Variants in UBAC2 observed in about 807,000 individuals in gnomAD.
The protein encoded by UBAC2 is ubiquitin-associated domain-containing protein 2.
In UBAC2, 26 loss-of-function variants were observed where a neutral mutation model predicts 44.0. The ratio of observed to expected loss-of-function variants is 0.59; its 90% CI spans 0.43 to 0.82. The LOEUF is 0.82. UBAC2 is among the 40% of genes least tolerant of loss of function. The pLI, the probability that UBAC2 is intolerant of heterozygous loss-of-function variation, is 0.00. For missense variants in UBAC2, 329 were observed against 419.4 expected (o/e 0.78, Z 1.88); for synonymous variants, 155 against 154.3 (o/e 1.00, Z -0.04).
intron 6 of UBAC2, among the ~76,000 whole-genome samples, chr13:99,330,139 C>T (rs2044694127): frequency 6.6e-6 from 1 of 152,144 alleles, no homozygotes; most frequent in African/African-American, 2.4e-5. Context: ...TAAATGTTTT[C>T]CCAATTGTTT....
At chr13:99,216,293 C>T (rs946626862) in intron 1 of UBAC2, among the ~76,000 whole-genome samples, 52 of 152,234 alleles carry the variant, frequency 3.4e-4, no homozygotes, top group South Asian at 1.2e-3. Flanking sequence ...TTAGTAGAAA[C>T]AGGTTTTCAC....
At chr13:99,267,178 T>C (rs747280949) in intron 4 of UBAC2, among the ~76,000 whole-genome samples, 2 of 152,220 alleles carry the variant, frequency 1.3e-5, no homozygotes, top group Admixed American at 1.3e-4. Flanking sequence ...ATTTCTTCTT[T>C]AGAGAATTGC....
chr13:99,316,369 T>C (rs1023681108), intron 5 of UBAC2, among the ~76,000 whole-genome samples: 2 of 152,162 alleles, frequency 1.3e-5, no homozygotes, highest in Non-Finnish European at 2.9e-5. Context: ...TCTGTGCCTT[T>C]GTCTCTCCCC....
In UBAC2 at chr13:99,385,518, C is replaced by T. The variant is rs537902174; in HGVS notation, c.*183C>T. 9.0e-6 allele frequency: 5 copies of T among 552,624 alleles called. No individual in the cohort carries two copies. In the South Asian group the frequency reaches 1.0e-4, roughly 11 times the overall value. The allele number at this position is 552,624 out of a possible 1,614,324, so 34.2% of individuals were successfully genotyped here. ...CCGTTTTAGTGTGGAGATAAGTTTG[C>T]CATTACATTAGCATGTATTTTCTAT... On this transcript the variant is annotated 3_prime_UTR_variant, in exon 9 of 9. Transcript: ENST00000403766.
In UBAC2 at chr13:99,385,290, A is replaced by T; in HGVS notation, c.990A>T (p.Ser330=). 6.2e-7 allele frequency: 1 copy of T among 1,614,162 alleles called. No individual in the cohort carries two copies. Among genetic ancestry groups the T allele is most frequent in the South Asian group, 1.1e-5 (1 of 91,088 alleles). The stretch of plus-strand genomic sequence containing the variant: ...ATGCTTTGGAAGCCCTGAGAGCTTC[A>T]AACAATGACCTCAATGTCGCCACCA... The part of the protein sequence containing the change: ...RGDALEALRA[S]NNDLNVATNF... Residue 330 remains serine, a synonymous_variant, in exon 9 of 9, where the codon TCA becomes TCT. Coordinates refer to ENST00000403766, the MANE Select transcript of UBAC2 (RefSeq NM_001144072.2).
chr13:99,314,158 G>A lies in UBAC2; in HGVS notation c.451G>A (p.Ala151Thr), dbSNP rs759718136. The change falls in exon 5 of 9, where the codon GCA becomes ACA. Residue 151 changes from alanine to threonine, a missense_variant. Ala to Thr is a moderately conservative substitution (Grantham distance 58, BLOSUM62 0). Coordinates refer to ENST00000403766, the MANE Select transcript of UBAC2 (RefSeq NM_001144072.2). The stretch of plus-strand genomic sequence containing the variant: ...CTGCTCCATACCAAGAGTCCAAGTG[G>A]CACAAATTCTGGGTCCGTTGTCCAT... ...FYCSIPRVQV[A>T]QILGPLSITN... 1.9e-6 allele frequency: 3 copies of A among 1,613,598 alleles called. No individual in the cohort carries two copies. The highest frequency in any genetic ancestry group is 2.5e-6 in the Non-Finnish European group (3 of 1,179,884).
intron 4 of UBAC2, among the ~76,000 whole-genome samples, chr13:99,306,252 G>A (rs1433162141): frequency 6.6e-6 from 1 of 152,098 alleles, no homozygotes; most frequent in African/African-American, 2.4e-5. Context: ...TCACCCTCTG[G>A]TACGTCAGTG....
intron 4 of UBAC2, chr13:99,307,817 C>T (rs770926543): frequency 3.3e-5 from 5 of 152,080 alleles, no homozygotes; most frequent in Admixed American, 6.5e-5. Flanking sequence ...TGCTTTTTAC[C>T]TGGAAACTTG....
intron 4 of UBAC2, among the ~76,000 whole-genome samples, chr13:99,303,481 A>G (rs2044285704): frequency 6.6e-6 from 1 of 152,230 alleles, no homozygotes; most frequent in African/African-American, 2.4e-5. Context: ...TATATTGAAA[A>G]GTATGGAAGT....
At chr13:99,321,422 C>T (rs1334391504) in intron 6 of UBAC2, among the ~76,000 whole-genome samples, 1 of 152,150 alleles carries the variant, frequency 6.6e-6, no homozygotes, top group Non-Finnish European at 1.5e-5. Context: ...GATTCTCGTG[C>T]CTCAGCCTCC....
chr13:99,266,064 A>T (rs2043739489), intron 4 of UBAC2, among the ~76,000 whole-genome samples: 1 of 152,156 alleles, frequency 6.6e-6, no homozygotes, highest in South Asian at 2.1e-4. Flanking sequence ...ACTGCCACCT[A>T]CAGATGATTA....
intron 4 of UBAC2, among the ~76,000 whole-genome samples, chr13:99,283,506 C>T (rs551584600): frequency 5.9e-5 from 9 of 151,862 alleles, no homozygotes; most frequent in African/African-American, 2.2e-4. Context: ...GACATATGTT[C>T]CTGATTTAAA....
rs1189977107 is a variant in UBAC2, at chr13:99,200,858, T to G, written c.-51T>G. Reference sequence around the variant, plus strand: ...CCTGCGCGGTCGCTGGGGCTCGCACTTCAGCTTCCCCTCCCCCGGCGCCCT... The same window carrying G: ...CCTGCGCGGTCGCTGGGGCTCGCACGTCAGCTTCCCCTCCCCCGGCGCCCT... On this transcript the variant is annotated 5_prime_UTR_variant, in exon 1 of 9. Coordinates refer to ENST00000403766, the MANE Select transcript of UBAC2 (RefSeq NM_001144072.2). 4.9e-5 allele frequency: 63 copies of G among 1,273,154 alleles called. No individual in the cohort carries two copies. The highest frequency in any genetic ancestry group is 6.2e-5 in the African/African-American group (4 of 65,010). The allele number at this position is 1,273,154 out of a possible 1,614,324, so 78.9% of individuals were successfully genotyped here. A position where few individuals can be genotyped will look rare whatever the true frequency, so the allele number is the denominator to read the frequency against.
At chr13:99,247,712 C>G (rs528841999) in intron 4 of UBAC2, among the ~76,000 whole-genome samples, 1 of 152,274 alleles carries the variant, frequency 6.6e-6, no homozygotes, top group South Asian at 2.1e-4. Context: ...TGTAACAAAC[C>G]TGCACGTTCT....
chr13:99,268,555 C>A (rs2043773203), intron 4 of UBAC2, among the ~76,000 whole-genome samples: 1 of 137,868 alleles, frequency 7.3e-6, no homozygotes, highest in Admixed American at 7.9e-5. Flanking sequence ...CTGCAGTGAG[C>A]CATGATCCTG....
intron 4 of UBAC2, chr13:99,255,917 AG>A: frequency 6.8e-7 from 1 of 1,479,872 alleles, no homozygotes. Context: ...CTGTAAAAAT[AG>A]TTAAGAAAAA....
At chr13:99,347,319 G>GGCCCC (rs2045000629) in intron 7 of UBAC2, among the ~76,000 whole-genome samples, 1 of 20,550 alleles carries the variant, frequency 4.9e-5, no homozygotes, top group Admixed American at 7.2e-4. Context: ...ATCCCCGGGC[G>GGCCCC]CCCCCCCCCC....
In UBAC2 at chr13:99,385,142, A is replaced by G. The variant is rs908974687; in HGVS notation, c.928-86A>G. 1.1e-5 allele frequency: 11 copies of G among 1,003,704 alleles called. No individual in the cohort carries two copies. The East Asian group carries it at 2.4e-4, about 22-fold the overall frequency. The allele number at this position is 1,003,704 out of a possible 1,614,324, so 62.2% of individuals were successfully genotyped here. Reference sequence around the variant, plus strand: ...TTTGTAAACAGTTTTGACCTTTGCCACAAGGCTCACATGAAGAACATTTGG... The same window carrying G: ...TTTGTAAACAGTTTTGACCTTTGCCGCAAGGCTCACATGAAGAACATTTGG... On this transcript the variant is annotated intron_variant, in intron 8 of 8. Coordinates refer to ENST00000403766, the MANE Select transcript of UBAC2 (RefSeq NM_001144072.2).
At chr13:99,253,527 T>C (rs2043487829) in intron 4 of UBAC2, among the ~76,000 whole-genome samples, 1 of 152,212 alleles carries the variant, frequency 6.6e-6, no homozygotes, top group Non-Finnish European at 1.5e-5. Flanking sequence ...ATTTCTTTTT[T>C]TTTTGAGACG....
Sources: gnomAD v4.1 joint callset for allele counts (sites outside exome capture counted in the v4.1 genomes callset) on GRCh38, gnomAD v4.1.1 for gene constraint, MANE v1.5 for transcripts, NCBI Gene and HGNC (gene_info 2026-07-23, HGNC 2026-07-21) for gene names.